DNAJC8: variants seen among roughly 807,000 people sequenced by gnomAD.
DNAJC8 encodes the protein DnaJ heat shock protein family (Hsp40) member C8, also known as dnaJ homolog subfamily C member 8.
In DNAJC8, 24 loss-of-function variants were observed where a neutral mutation model predicts 43.2. That is an observed-to-expected ratio of 0.56 (90% CI 0.40 to 0.78). The LOEUF is 0.78. Ranked by LOEUF, DNAJC8 falls within the 30% of genes least tolerant of loss-of-function variation. The pLI is 0.00. For synonymous variants in DNAJC8, 83 were observed against 98.0 expected, an observed-to-expected ratio of 0.85 and a Z score of 0.90; for missense variants, 207 against 299.4, an observed-to-expected ratio of 0.69 and a Z score of 2.28.
Position 28,233,022 on chromosome 1 carries a change from A to T in DNAJC8, c.-24T>A. ...ATTTCCCCGGCCCAGCCACCACGTG[A>T]CCCTTCTGCGCAGGCGTCGCCTCAC... On this transcript the variant is annotated 5_prime_UTR_variant, in exon 1 of 9. Transcript: ENST00000263697. 3 of 1,609,142 alleles carry T rather than the reference A, an allele frequency of 1.9e-6. No homozygotes were observed. The highest frequency in any genetic ancestry group is 2.5e-6 in the Non-Finnish European group (3 of 1,179,854).
intron 3 of DNAJC8, 60 bp from the exon 4 acceptor site, chr1:28,210,697 GC>G (rs1646804742): frequency 1.4e-6 from 2 of 1,390,642 alleles, no homozygotes; most frequent in African/African-American, 2.8e-5. Context: ...CTTCCAGCCT[GC>G]CCTGTCTCGT....
intron 3 of DNAJC8, among the ~76,000 whole-genome samples, chr1:28,212,168 A>T (rs370996087): frequency 0.021 from 651 of 30,646 alleles, 14 homozygotes; most frequent in Middle Eastern, 0.059. Context: ...TAAATAAATA[A>T]ATATATATAT....
intron 3 of DNAJC8, 40 bp from the exon 4 acceptor site, chr1:28,210,677 C>T (rs755230029): frequency 2.0e-6 from 3 of 1,535,212 alleles, no homozygotes; most frequent in South Asian, 2.2e-5. Flanking sequence ...ATAAGGGAAA[C>T]ATTTACTAAC....
chr1:28,216,526 A>C (rs571999346), intron 2 of DNAJC8, among the ~76,000 whole-genome samples: 2 of 152,162 alleles, frequency 1.3e-5, no homozygotes, highest in African/African-American at 2.4e-5. Context: ...GCCAAATGTA[A>C]TTCATAAACC....
intron 2 of DNAJC8, among the ~76,000 whole-genome samples, chr1:28,217,338 T>C (rs911188149): frequency 6.6e-5 from 10 of 151,920 alleles, no homozygotes; most frequent in African/African-American, 2.4e-4. Context: ...GGGGTCTCCC[T>C]GGCCAGGCAC....
chr1:28,206,016 T>G (rs1482039535), intron 6 of DNAJC8, among the ~76,000 whole-genome samples: 1 of 152,058 alleles, frequency 6.6e-6, no homozygotes, highest in Non-Finnish European at 1.5e-5. Flanking sequence ...AGATCCCATC[T>G]CTACAAAAAA....
intron 1 of DNAJC8, among the ~76,000 whole-genome samples, chr1:28,232,676 T>C (rs913741046): frequency 2.0e-5 from 3 of 152,134 alleles, no homozygotes; most frequent in Admixed American, 1.3e-4. Context: ...GCGCCCGCAC[T>C]ATGTTGGACA....
At chr1:28,202,136 A>C (rs1220794461) in intron 8 of DNAJC8, among the ~76,000 whole-genome samples, 1 of 152,198 alleles carries the variant, frequency 6.6e-6, no homozygotes, top group African/African-American at 2.4e-5. Flanking sequence ...CAAGGGCCCA[A>C]GAAAGTGTCA....
chr1:28,229,390 A>T (rs369646353), intron 1 of DNAJC8, among the ~76,000 whole-genome samples: 18 of 152,312 alleles, frequency 1.2e-4, no homozygotes, highest in South Asian at 4.1e-4. Context: ...TCAAAGATAA[A>T]TAAGTCACAG....
At chr1:28,214,585 A>C (rs1295279855) in intron 3 of DNAJC8, among the ~76,000 whole-genome samples, 1 of 152,136 alleles carries the variant, frequency 6.6e-6, no homozygotes, top group African/African-American at 2.4e-5. Flanking sequence ...TGGAGTCTTA[A>C]AGATAAAAAT....
chr1:28,214,399 T>C (rs1005118134), intron 3 of DNAJC8, among the ~76,000 whole-genome samples: 18 of 152,036 alleles, frequency 1.2e-4, no homozygotes, highest in African/African-American at 3.6e-4. Flanking sequence ...CCGGGTGTGG[T>C]GGCATGCACT....
intron 3 of DNAJC8, among the ~76,000 whole-genome samples, chr1:28,213,654 T>A (rs1408489663): frequency 1.3e-5 from 2 of 152,112 alleles, no homozygotes; most frequent in African/African-American, 2.4e-5. Flanking sequence ...AAAGTTTTTT[T>A]AAAAGACATG....
intron 2 of DNAJC8, among the ~76,000 whole-genome samples, chr1:28,223,020 G>A (rs1053267428): frequency 4.6e-5 from 7 of 152,054 alleles, no homozygotes; most frequent in East Asian, 3.9e-4. Flanking sequence ...GTGTCCACAG[G>A]GGAAGGTAGC....
intron 2 of DNAJC8, among the ~76,000 whole-genome samples, chr1:28,227,996 G>A (rs1338629724): frequency 6.6e-6 from 1 of 152,080 alleles, no homozygotes; most frequent in Non-Finnish European, 1.5e-5. Flanking sequence ...TCTTTGTTTT[G>A]TTGTTGTTGG....
chr1:28,232,792 C>T (rs980198146), intron 1 of DNAJC8, 129 bp downstream of exon 1: 147 of 960,422 alleles, frequency 1.5e-4, no homozygotes, highest in Non-Finnish European at 2.2e-4. Flanking sequence ...CCCAGACCCC[C>T]GCCACCCCGA....
At chr1:28,204,711 A>G (rs1439528596) in intron 7 of DNAJC8, among the ~76,000 whole-genome samples, 1 of 152,116 alleles carries the variant, frequency 6.6e-6, no homozygotes, top group African/African-American at 2.4e-5. Flanking sequence ...GGAAGAACAC[A>G]CACAAGGCTC....
chr1:28,230,660 GGTCTTGCTCT>G (rs1453577176), intron 1 of DNAJC8, among the ~76,000 whole-genome samples: 1 of 152,014 alleles, frequency 6.6e-6, no homozygotes, highest in African/African-American at 2.4e-5. Flanking sequence ...TTTGAGAAGG[GGTCTTGCTCT>G]GTCACCCAGG....
intron 7 of DNAJC8, 57 bp from the exon 8 acceptor site, chr1:28,203,879 T>C: frequency 1.3e-6 from 2 of 1,557,830 alleles, no homozygotes; most frequent in East Asian, 2.2e-5. Flanking sequence ...GAATTAACCA[T>C]ACAAGGTGGC....
rs143995930 is a variant in DNAJC8 at position 28,206,575 on chromosome 1, C to T, written c.472-1226G>A. 4.6e-5 allele frequency among the ~76,000 whole-genome samples: 7 copies of T among 152,298 alleles called. No individual in the cohort carries two copies. The East Asian group carries it at 1.3e-3, about 29-fold the overall frequency. Reference sequence around the variant, plus strand: ...AAAAAATAAGTGAACGTAAGTGACCCAGCCCCTGTCACACTAAGTTAATGA... The same window carrying T: ...AAAAAATAAGTGAACGTAAGTGACCTAGCCCCTGTCACACTAAGTTAATGA... On this transcript the variant is annotated intron_variant, in intron 6 of 8. Transcript: ENST00000263697.
Sources: allele counts gnomAD v4.1 joint callset (sites outside exome capture counted in the v4.1 genomes callset), GRCh38; gene constraint gnomAD v4.1.1; transcripts MANE v1.5; gene names NCBI Gene and HGNC (gene_info 2026-07-23, HGNC 2026-07-21).